TAFA1: variants seen among roughly 807,000 people sequenced by gnomAD.
TAFA1 encodes the protein chemokine-like protein TAFA-1.
TAFA1 carries 4 observed loss-of-function variants against 18.5 expected under a neutral mutation model. That is an observed-to-expected ratio of 0.22 (90% CI 0.11 to 0.49). TAFA1 has a LOEUF of 0.49. Ranked by LOEUF, TAFA1 falls within the 20% of genes least tolerant of loss-of-function variation. TAFA1 has a pLI of 0.98. For synonymous variants in TAFA1, 56 were observed against 55.2 expected (o/e 1.01, Z -0.06); for missense variants, 147 against 169.0 (o/e 0.87, Z 0.72).
chr3:68,423,862 G>C (rs1439891162), intron 3 of TAFA1, among the ~76,000 whole-genome samples: 1 of 151,572 alleles, frequency 6.6e-6, no homozygotes, highest in Non-Finnish European at 1.5e-5. Flanking sequence ...CTGTAATTAA[G>C]AAAAAAATCT....
chr3:68,042,089 A>G (rs1305010893), intron 2 of TAFA1, among the ~76,000 whole-genome samples: 2 of 152,132 alleles, frequency 1.3e-5, no homozygotes, highest in Non-Finnish European at 2.9e-5. Context: ...GGCCACAATG[A>G]GCCTTCTTTT....
chr3:68,130,410 T>A (rs2065522279), intron 2 of TAFA1, among the ~76,000 whole-genome samples: 1 of 152,116 alleles, frequency 6.6e-6, no homozygotes, highest in Non-Finnish European at 1.5e-5. Flanking sequence ...TTATTTCCAT[T>A]TTTGCTGCTA....
chr3:68,430,716 C>T (rs1175821548), intron 3 of TAFA1, among the ~76,000 whole-genome samples: 1 of 151,964 alleles, frequency 6.6e-6, no homozygotes, highest in Non-Finnish European at 1.5e-5. Context: ...AGCCTCCACA[C>T]ATGTTGTTAC....
intron 2 of TAFA1, among the ~76,000 whole-genome samples, chr3:68,091,244 T>A (rs771147779): frequency 3.9e-5 from 6 of 152,216 alleles, no homozygotes; most frequent in Non-Finnish European, 5.9e-5. Flanking sequence ...TTAAATAGGT[T>A]GGCAGTTATC....
At chr3:68,152,974 T>C (rs60750232) in intron 2 of TAFA1, among the ~76,000 whole-genome samples, 7,112 of 151,994 alleles carry the variant, frequency 0.047, 191 homozygotes, top group East Asian at 0.091. Context: ...TGCTTATAAG[T>C]CACATGAACT....
At chr3:68,297,036 C>G (rs1038485795) in intron 2 of TAFA1, among the ~76,000 whole-genome samples, 2 of 152,120 alleles carry the variant, frequency 1.3e-5, no homozygotes, top group Non-Finnish European at 2.9e-5. Context: ...GTAGATGGAA[C>G]AGCATTGTTC....
chr3:68,133,614 A>G (rs1054050737), intron 2 of TAFA1, among the ~76,000 whole-genome samples: 2 of 151,862 alleles, frequency 1.3e-5, no homozygotes, highest in Non-Finnish European at 1.5e-5. Flanking sequence ...TAGGTATTTT[A>G]TTCTCTTTTT....
chr3:68,073,138 T>A (rs1457364815), intron 2 of TAFA1, among the ~76,000 whole-genome samples: 1 of 152,216 alleles, frequency 6.6e-6, no homozygotes, highest in African/African-American at 2.4e-5. Flanking sequence ...CATAAGTAGA[T>A]AAACCAGCAG....
At chr3:68,034,836 T>C (rs1357418850) in intron 2 of TAFA1, among the ~76,000 whole-genome samples, 2 of 152,200 alleles carry the variant, frequency 1.3e-5, no homozygotes, top group Non-Finnish European at 2.9e-5. Flanking sequence ...TGTGATACTA[T>C]TTTAGAAAGG....
intron 2 of TAFA1, among the ~76,000 whole-genome samples, chr3:68,238,591 C>A (rs1445951856): frequency 6.6e-6 from 1 of 152,068 alleles, no homozygotes; most frequent in African/African-American, 2.4e-5. Context: ...TTAAATGGGA[C>A]TGTTTAATCA....
intron 2 of TAFA1, among the ~76,000 whole-genome samples, chr3:68,110,697 C>T (rs562664786): frequency 2.9e-4 from 44 of 152,146 alleles, no homozygotes; most frequent in Non-Finnish European, 4.4e-4. Context: ...GAGGTAGGAC[C>T]AGGAGGACTT....
chr3:68,416,159 T>A (rs1229976573), intron 2 of TAFA1, among the ~76,000 whole-genome samples: 1 of 152,146 alleles, frequency 6.6e-6, no homozygotes, highest in Non-Finnish European at 1.5e-5. Flanking sequence ...CCACCACCAC[T>A]GCACTGAGGA....
At chr3:68,159,797 G>A (rs1405684041) in intron 2 of TAFA1, among the ~76,000 whole-genome samples, 1 of 152,136 alleles carries the variant, frequency 6.6e-6, no homozygotes, top group Non-Finnish European at 1.5e-5. Context: ...CAGCTGCTCA[G>A]TAGATAAGGC....
At chr3:68,419,781 AAC>A (rs1269563753) in intron 3 of TAFA1, among the ~76,000 whole-genome samples, 1 of 152,190 alleles carries the variant, frequency 6.6e-6, no homozygotes, top group African/African-American at 2.4e-5. Flanking sequence ...TAGAAAGAGA[AAC>A]ACACTCAAGC....
chr3:68,184,498 T>G (rs2066245855), intron 2 of TAFA1, among the ~76,000 whole-genome samples: 1 of 152,152 alleles, frequency 6.6e-6, no homozygotes, highest in Non-Finnish European at 1.5e-5. Flanking sequence ...AGAGCTGATT[T>G]TTATTCTCTA....
chr3:68,103,244 G>A (rs568842167), intron 2 of TAFA1, among the ~76,000 whole-genome samples: 2 of 152,330 alleles, frequency 1.3e-5, no homozygotes, highest in African/African-American at 4.8e-5. Context: ...GGTTAGAACT[G>A]TTAATTCCCA....
chr3:68,209,398 C>T (rs1575681053), intron 2 of TAFA1, among the ~76,000 whole-genome samples: 1 of 152,128 alleles, frequency 6.6e-6, no homozygotes. Context: ...CATTATACAG[C>T]AGTAATTTCC....
intron 2 of TAFA1, among the ~76,000 whole-genome samples, chr3:68,308,233 A>G (rs1319826344): frequency 2.0e-5 from 3 of 152,112 alleles, no homozygotes; most frequent in African/African-American, 4.8e-5. Flanking sequence ...GACATCCAAA[A>G]TTTCACTTTA....
intron 2 of TAFA1, among the ~76,000 whole-genome samples, chr3:68,355,986 A>G (rs2106784102): frequency 6.6e-6 from 1 of 152,076 alleles, no homozygotes; most frequent in Middle Eastern, 3.4e-3. Flanking sequence ...ATATTTTAAA[A>G]ATTGAAATGA....
Sources: gnomAD v4.1 joint callset for allele counts (sites outside exome capture counted in the v4.1 genomes callset) on GRCh38, gnomAD v4.1.1 for gene constraint, MANE v1.5 for transcripts, NCBI Gene and HGNC (gene_info 2026-07-23, HGNC 2026-07-21) for gene names.